CERS6: variants seen among roughly 807,000 people sequenced by gnomAD.
The protein encoded by CERS6 is ceramide synthase 6.
Under a neutral mutation model 56.8 loss-of-function variants are expected in CERS6, and 26 were observed. The ratio of observed to expected loss-of-function variants is 0.46; its 90% CI spans 0.34 to 0.63. The LOEUF (loss-of-function observed/expected upper bound fraction) is 0.63, where lower values mean the gene tolerates loss of function less well. CERS6 is among the 30% of genes least tolerant of loss of function. CERS6 has a pLI of 0.01. For missense variants in CERS6, 415 were observed against 467.5 expected, an observed-to-expected ratio of 0.89 and a Z score of 1.04; for synonymous variants, 164 against 173.3, an observed-to-expected ratio of 0.95 and a Z score of 0.42.
chr2:168,546,866 C>G (rs1035675250), intron 1 of CERS6, among the ~76,000 whole-genome samples: 1 of 152,204 alleles, frequency 6.6e-6, no homozygotes, highest in Non-Finnish European at 1.5e-5. Context: ...ATGCACTTCA[C>G]CTGCTCCCCT....
intron 9 of CERS6, among the ~76,000 whole-genome samples, chr2:168,767,575 G>A (rs1684756019): frequency 6.6e-6 from 1 of 152,118 alleles, no homozygotes; most frequent in African/African-American, 2.4e-5. Context: ...CCATCTCAAC[G>A]GGTATTGGAG....
chr2:168,672,767 CAT>C (rs1685954708), intron 4 of CERS6, among the ~76,000 whole-genome samples: 2 of 152,214 alleles, frequency 1.3e-5, no homozygotes, highest in African/African-American at 4.8e-5. Flanking sequence ...AGCCTCTTGA[CAT>C]AGTTCAATTG....
intron 1 of CERS6, among the ~76,000 whole-genome samples, chr2:168,515,392 A>C (rs1373970307): frequency 6.6e-6 from 1 of 152,016 alleles, no homozygotes; most frequent in Non-Finnish European, 1.5e-5. Context: ...TTAACTATGT[A>C]GTCACTGTGG....
chr2:168,509,813 C>T (rs887152708), intron 1 of CERS6, among the ~76,000 whole-genome samples: 1 of 152,148 alleles, frequency 6.6e-6, no homozygotes, highest in Non-Finnish European at 1.5e-5. Flanking sequence ...GTAATCCCAG[C>T]ACTGTGGGAG....
At chr2:168,528,186 A>C (rs867026807) in intron 1 of CERS6, among the ~76,000 whole-genome samples, 25 of 152,182 alleles carry the variant, frequency 1.6e-4, no homozygotes, top group African/African-American at 5.3e-4. Flanking sequence ...CCATGTATTT[A>C]CTATTATAGT....
chr2:168,652,384 G>A (rs1254617633), intron 4 of CERS6, among the ~76,000 whole-genome samples: 2 of 152,152 alleles, frequency 1.3e-5, no homozygotes, highest in Non-Finnish European at 2.9e-5. Context: ...AGAGCTAAAT[G>A]TTAGTTCAGT....
intron 1 of CERS6, among the ~76,000 whole-genome samples, chr2:168,509,319 T>C (rs1322004312): frequency 6.6e-6 from 1 of 152,234 alleles, no homozygotes; most frequent in Non-Finnish European, 1.5e-5. Flanking sequence ...ATTGTAAAAT[T>C]ACCTAAGCTA....
chr2:168,530,237 G>A (rs187256402), intron 1 of CERS6, among the ~76,000 whole-genome samples: 58 of 152,316 alleles, frequency 3.8e-4, no homozygotes, highest in African/African-American at 1.3e-3. Flanking sequence ...CATTCAGTGA[G>A]GTACAGTGGC....
intron 4 of CERS6, among the ~76,000 whole-genome samples, chr2:168,632,947 C>T (rs981257780): frequency 3.9e-5 from 6 of 152,046 alleles, no homozygotes; most frequent in African/African-American, 1.4e-4. Context: ...TATCTGTCAT[C>T]AGAACAGGAA....
chr2:168,669,592 CT>C (rs1378312487), intron 4 of CERS6, among the ~76,000 whole-genome samples: 1 of 152,108 alleles, frequency 6.6e-6, no homozygotes, highest in Non-Finnish European at 1.5e-5. Flanking sequence ...CAAAATAAAC[CT>C]GTTATTACTG....
chr2:168,556,140 G>A (rs1470841606), intron 2 of CERS6, among the ~76,000 whole-genome samples: 1 of 151,936 alleles, frequency 6.6e-6, no homozygotes, highest in African/African-American at 2.4e-5. Context: ...AGAAAATTAA[G>A]AAACCCATCC....
intron 6 of CERS6, among the ~76,000 whole-genome samples, chr2:168,707,181 C>A (rs1686978340): frequency 6.6e-6 from 1 of 152,140 alleles, no homozygotes; most frequent in Non-Finnish European, 1.5e-5. Flanking sequence ...CATCTTTAAA[C>A]CAATTAATTT....
intron 4 of CERS6, among the ~76,000 whole-genome samples, chr2:168,683,615 C>A (rs1408917468): frequency 6.6e-6 from 1 of 152,140 alleles, no homozygotes; most frequent in Non-Finnish European, 1.5e-5. Flanking sequence ...CTCACCGTTT[C>A]CCTCCCTCTA....
At position 168,589,631 on chromosome 2, in the gene CERS6, A is replaced by G. The variant is rs545626596; in HGVS notation, c.407+28309A>G. Among the ~76,000 whole-genome samples, 56 of 152,316 alleles carry G rather than the reference A, an allele frequency of 3.7e-4. 2 individuals are homozygous for G. The highest frequency in any genetic ancestry group is 1.3e-3 in the African/African-American group (53 of 41,568). The stretch of plus-strand genomic sequence containing the variant: ...TGTTGGGTGTATTTCTAGTTTTCAC[A>G]TGTATTTTTTTAAATATAATTTTAA... On this transcript the variant is annotated intron_variant, in intron 3 of 9. Coordinates refer to ENST00000305747, the MANE Select transcript of CERS6 (RefSeq NM_203463.3).
intron 8 of CERS6, among the ~76,000 whole-genome samples, chr2:168,728,696 T>C (rs1475082874): frequency 1.3e-5 from 2 of 151,774 alleles, no homozygotes; most frequent in South Asian, 4.2e-4. Flanking sequence ...TTTTGTGACT[T>C]GAATCAACAA....
chr2:168,769,847 C>T lies in CERS6; in HGVS notation c.*185C>T, dbSNP rs913746245. ...GAATGAAGAAGAATTACCATTCTCT[C>T]TTTGTAGGCATGCTGTATGTAATTG... On this transcript the variant is annotated 3_prime_UTR_variant, in exon 10 of 10. Transcript: ENST00000305747. 1.7e-6 allele frequency: 1 copy of T among 601,452 alleles called. No individual in the cohort carries two copies. Among genetic ancestry groups the T allele is most frequent in the Non-Finnish European group, 2.9e-6 (1 of 348,822 alleles). The allele number at this position is 601,452 out of a possible 1,614,324, so 37.3% of individuals were successfully genotyped here. A position where few individuals can be genotyped will look rare whatever the true frequency, so the allele number is the denominator to read the frequency against.
chr2:168,614,979 CT>C (rs113324385), intron 3 of CERS6, among the ~76,000 whole-genome samples: 62 of 152,254 alleles, frequency 4.1e-4, no homozygotes, highest in South Asian at 1.0e-3. Flanking sequence ...TTCACCCCCC[CT>C]GCCACCTCCT....
intron 3 of CERS6, among the ~76,000 whole-genome samples, chr2:168,604,304 C>T (rs1684000396): frequency 6.6e-6 from 1 of 152,132 alleles, no homozygotes; most frequent in Admixed American, 6.5e-5. Flanking sequence ...TATAATTCTA[C>T]ATTGCCACAG....
At position 168,577,944 on chromosome 2, in the gene CERS6, A is replaced by G. The variant is rs146490708; in HGVS notation, c.407+16622A>G. ...ACAAGTACATTGTCGTTTCTGGGGA[A>G]TAAGAGGTGTAGGTGCCAGTAGGGT... is the stretch of plus-strand genomic sequence containing the variant. On this transcript the variant is annotated intron_variant, in intron 3 of 9. Coordinates refer to ENST00000305747, the MANE Select transcript of CERS6 (RefSeq NM_203463.3). 3.2e-3 allele frequency among the ~76,000 whole-genome samples: 483 copies of G among 152,264 alleles called. 3 individuals carry two copies. Among genetic ancestry groups the G allele is most frequent in the Middle Eastern group, 0.01 (3 of 294 alleles).
Sources: allele counts gnomAD v4.1 joint callset (sites outside exome capture counted in the v4.1 genomes callset), GRCh38; gene constraint gnomAD v4.1.1; transcripts MANE v1.5; gene names NCBI Gene and HGNC (gene_info 2026-07-23, HGNC 2026-07-21).